The following CORIN variants were observed in gnomAD, a reference collection of about 807,000 sequenced individuals.
CORIN encodes the protein atrial natriuretic peptide-converting enzyme.
CORIN carries 117 observed loss-of-function variants against 125.3 expected under a neutral mutation model. The ratio of observed to expected loss-of-function variants is 0.93; its 90% CI spans 0.80 to 1.09. The LOEUF (loss-of-function observed/expected upper bound fraction) is 1.09, where lower values mean the gene tolerates loss of function less well. CORIN is among the 50% of genes least tolerant of loss of function. The pLI is 0.00. For missense variants in CORIN, 1,253 were observed against 1,306.7 expected (o/e 0.96, Z 0.63); for synonymous variants, 450 against 466.4 (o/e 0.96, Z 0.45).
chr4:47,689,269 T>G (rs1264978804), intron 6 of CORIN, among the ~76,000 whole-genome samples: 2 of 152,188 alleles, frequency 1.3e-5, no homozygotes, highest in African/African-American at 4.8e-5. Context: ...ATGCTTTATA[T>G]TCAGTGAATC....
At chr4:47,798,222 G>A (rs1731382135) in intron 2 of CORIN, among the ~76,000 whole-genome samples, 1 of 152,090 alleles carries the variant, frequency 6.6e-6, no homozygotes, top group Non-Finnish European at 1.5e-5. Flanking sequence ...CCCACCTCTC[G>A]TATCTTCAGA....
chr4:47,712,698 CT>C (rs1196875382), intron 5 of CORIN, among the ~76,000 whole-genome samples: 4 of 152,286 alleles, frequency 2.6e-5, no homozygotes, highest in African/African-American at 9.6e-5. Flanking sequence ...TTACAAATCT[CT>C]TAGTTTCCAC....
At position 47,614,106 on chromosome 4, in the gene CORIN, G is replaced by C. The variant is rs139997746; in HGVS notation, c.2540+9465C>G. On this transcript the variant is annotated intron_variant, in intron 19 of 21. Coordinates refer to ENST00000273857, the MANE Select transcript of CORIN (RefSeq NM_006587.4). ...AATAGAACAAGAAAAGAGGAAAATT[G>C]TTGTCTGTAGCAGATAATTTAAATG... Among the ~76,000 whole-genome samples the C allele has an allele frequency of 3.3e-5, 5 of 152,316 alleles. 1 individual carries two copies. Among genetic ancestry groups the C allele is most frequent in the African/African-American group, 1.2e-4 (5 of 41,566 alleles).
rs764434569 is a variant in CORIN at position 47,799,106 on chromosome 4, GGTGTGT to G, written c.208+7791_208+7796del. 3.3e-3 allele frequency among the ~76,000 whole-genome samples: 466 copies of G among 141,530 alleles called. 2 individuals are homozygous for G. Among genetic ancestry groups the G allele is most frequent in the African/African-American group, 0.011 (406 of 38,342 alleles). The allele number at this position is 141,530 out of a possible 152,430, so 92.8% of individuals were successfully genotyped here. ...TTTATGGCTGCATAGTATCCCATGG[GGTGTGT>G]GTGTGTGTGTGTGTGTGTGTGTGTG... On this transcript the variant is annotated intron_variant, in intron 2 of 21. Coordinates refer to ENST00000273857, the MANE Select transcript of CORIN (RefSeq NM_006587.4).
chr4:47,832,602 G>A (rs1328366927), intron 1 of CORIN, among the ~76,000 whole-genome samples: 2 of 151,608 alleles, frequency 1.3e-5, no homozygotes, highest in African/African-American at 2.4e-5. Context: ...GTGCCATCAC[G>A]CCCTGGTAAT....
intron 3 of CORIN, among the ~76,000 whole-genome samples, chr4:47,784,081 T>C (rs1259665626): frequency 6.6e-6 from 1 of 152,158 alleles, no homozygotes; most frequent in Non-Finnish European, 1.5e-5. Context: ...TCTCTAAGCC[T>C]CAAATTCACA....
chr4:47,595,449 C>G lies in CORIN; in HGVS notation c.*272G>C. ...TCTCGCCAGAGTCGATAATTTTGTG[C>G]TGCAGTCATGGTTAGGCCTGGCAAA... On this transcript the variant is annotated 3_prime_UTR_variant, in exon 22 of 22. Coordinates refer to ENST00000273857, the MANE Select transcript of CORIN (RefSeq NM_006587.4). The G allele has an allele frequency of 2.6e-5, 6 of 230,034 alleles. No individual in the cohort carries two copies. The highest frequency in any genetic ancestry group is 9.0e-5 in the East Asian group (1 of 11,066). 14.2% of individuals were successfully genotyped at this position (230,034 alleles called of 1,614,324 possible). A position where few individuals can be genotyped will look rare whatever the true frequency, so the allele number is the denominator to read the frequency against.
Position 47,831,580 on chromosome 4 carries a change from T to C in CORIN, c.63+6307A>G, listed in dbSNP as rs965907065. 14 of 152,366 alleles carry C rather than the reference T, an allele frequency of 9.2e-5. 1 individual carries two copies. In the South Asian group the frequency reaches 1.7e-3, roughly 18 times the overall value. 9.4% of individuals were successfully genotyped at this position (152,366 alleles called of 1,614,324 possible). On this transcript the variant is annotated intron_variant, in intron 1 of 21. Transcript: ENST00000273857. ...GCAGAACATAATCTCCCAACCTGCA[T>C]GATGATCGTCTGTCCATGAGAATAA... is the stretch of plus-strand genomic sequence containing the variant.
chr4:47,728,437 T>C (rs1333124514), intron 5 of CORIN, among the ~76,000 whole-genome samples: 1 of 152,216 alleles, frequency 6.6e-6, no homozygotes, highest in Non-Finnish European at 1.5e-5. Context: ...ATTTTGTTTT[T>C]CATTTACCTG....
At chr4:47,784,452 T>C (rs141069000) in intron 3 of CORIN, among the ~76,000 whole-genome samples, 34 of 152,310 alleles carry the variant, frequency 2.2e-4, no homozygotes, top group African/African-American at 7.7e-4. Context: ...ACAAGCAATG[T>C]TCCAATCATA....
intron 5 of CORIN, among the ~76,000 whole-genome samples, chr4:47,730,724 T>G (rs1727839554): frequency 6.6e-6 from 1 of 152,220 alleles, no homozygotes; most frequent in South Asian, 2.1e-4. Flanking sequence ...TCTATATGAC[T>G]GGTATTCTCC....
At chr4:47,833,500 A>T (rs1346423949) in intron 1 of CORIN, among the ~76,000 whole-genome samples, 2 of 145,166 alleles carry the variant, frequency 1.4e-5, no homozygotes, top group African/African-American at 5.0e-5. Flanking sequence ...AATTTCTTGG[A>T]TACGACACCA....
intron 5 of CORIN, among the ~76,000 whole-genome samples, chr4:47,697,237 T>C (rs1192055246): frequency 6.6e-6 from 1 of 152,028 alleles, no homozygotes; most frequent in African/African-American, 2.4e-5. Flanking sequence ...GGTAAAAGGA[T>C]TGGGGTAAAA....
chr4:47,786,497 C>A (rs1049662940), intron 3 of CORIN, among the ~76,000 whole-genome samples: 2 of 152,104 alleles, frequency 1.3e-5, no homozygotes, highest in African/African-American at 4.8e-5. Flanking sequence ...GGTCAGATTG[C>A]ACCACTGCAC....
rs536504779 is a variant in CORIN at position 47,701,522 on chromosome 4, A to G, written c.800-8439T>C. Among the ~76,000 whole-genome samples, 3 of 152,310 alleles carry G rather than the reference A, an allele frequency of 2.0e-5. 1 individual carries two copies. The South Asian group carries it at 6.2e-4, about 32-fold the overall frequency. On this transcript the variant is annotated intron_variant, in intron 5 of 21. Coordinates refer to ENST00000273857, the MANE Select transcript of CORIN (RefSeq NM_006587.4). ...TAGTCATCATAACATTTTCTAAAAC[A>G]TTGTCAAGAAACAACAGAATAGATC...
At chr4:47,679,356 C>T (rs766854727) in intron 8 of CORIN, among the ~76,000 whole-genome samples, 1 of 145,342 alleles carries the variant, frequency 6.9e-6, no homozygotes, top group Non-Finnish European at 1.5e-5. Context: ...TATATTATTA[C>T]TACGTTCTCT....
intron 19 of CORIN, among the ~76,000 whole-genome samples, chr4:47,610,348 A>G (rs1721823015): frequency 6.6e-6 from 1 of 152,192 alleles, no homozygotes; most frequent in Non-Finnish European, 1.5e-5. Flanking sequence ...CATTTCTGTA[A>G]TGATCAGTGA....
chr4:47,696,417 T>C (rs1332479753), intron 5 of CORIN, among the ~76,000 whole-genome samples: 1 of 152,130 alleles, frequency 6.6e-6, no homozygotes, highest in African/African-American at 2.4e-5. Context: ...GTGTCTACTA[T>C]GTGCAAAGTA....
intron 19 of CORIN, among the ~76,000 whole-genome samples, chr4:47,613,175 G>A (rs1156419005): frequency 1.3e-5 from 2 of 152,128 alleles, no homozygotes; most frequent in African/African-American, 4.8e-5. Context: ...TTCAGAGCAG[G>A]TGAGTGCAGT....
Sources: allele counts gnomAD v4.1 joint callset (sites outside exome capture counted in the v4.1 genomes callset), GRCh38; gene constraint gnomAD v4.1.1; transcripts MANE v1.5; gene names NCBI Gene and HGNC (gene_info 2026-07-23, HGNC 2026-07-21).